Variants in FMNL3 observed in about 807,000 individuals in gnomAD.
The protein encoded by FMNL3 is formin like 3.
Under a neutral mutation model 119.6 loss-of-function variants are expected in FMNL3, and 57 were observed. That is an observed-to-expected ratio of 0.48 (90% CI 0.39 to 0.59). The LOEUF (loss-of-function observed/expected upper bound fraction) is 0.59. Ranked by LOEUF, FMNL3 falls within the 20% of genes least tolerant of loss-of-function variation. FMNL3 has a pLI of 0.00. For synonymous variants in FMNL3, 491 were observed against 507.3 expected (o/e 0.97, Z 0.43); for missense variants, 1,053 against 1,323.5 (o/e 0.80, Z 3.17).
intron 1 of FMNL3, among the ~76,000 whole-genome samples, chr12:49,681,039 C>G (rs1351238851): frequency 3.3e-5 from 5 of 152,244 alleles, no homozygotes; most frequent in African/African-American, 4.8e-5. Context: ...CTTCCCTATT[C>G]TGCACAACTG....
At chr12:49,695,343 A>T (rs1440769593) in intron 1 of FMNL3, among the ~76,000 whole-genome samples, 6 of 152,148 alleles carry the variant, frequency 3.9e-5, no homozygotes, top group Non-Finnish European at 7.3e-5. Flanking sequence ...TATATAAAAA[A>T]TAAAAGATTA....
At chr12:49,704,710 CAAAAAAAA>C (rs59799899) in intron 1 of FMNL3, among the ~76,000 whole-genome samples, 11 of 37,850 alleles carry the variant, frequency 2.9e-4, no homozygotes, top group Admixed American at 1.5e-3. Context: ...AACTCCATCT[CAAAAAAAA>C]AAAAAAAAAA....
chr12:49,652,748 TG>T (rs1316982448), intron 13 of FMNL3, among the ~76,000 whole-genome samples: 1 of 152,114 alleles, frequency 6.6e-6, no homozygotes, highest in African/African-American at 2.4e-5. Flanking sequence ...GAAAGTAGGA[TG>T]GGGGCATGAC....
intron 1 of FMNL3, among the ~76,000 whole-genome samples, chr12:49,675,875 T>A (rs1262448385): frequency 2.0e-5 from 3 of 152,142 alleles, no homozygotes; most frequent in Non-Finnish European, 4.4e-5. Flanking sequence ...GAGGTAAGAT[T>A]CTCTCCAGGC....
At chr12:49,650,313 C>G (rs1943356168) in intron 17 of FMNL3, among the ~76,000 whole-genome samples, 1 of 152,172 alleles carries the variant, frequency 6.6e-6, no homozygotes, top group African/African-American at 2.4e-5. Flanking sequence ...TGGACTAACT[C>G]ATATCTTTTC....
Position 49,644,251 on chromosome 12 carries a change from C to G in FMNL3, c.*1564G>C. 1 of 1,577,766 alleles carries G rather than the reference C, an allele frequency of 6.3e-7. No individual in the cohort carries two copies. The highest frequency in any genetic ancestry group is 2.2e-5 in the East Asian group (1 of 44,544). On this transcript the variant is annotated 3_prime_UTR_variant, in exon 26 of 26. Coordinates refer to ENST00000335154, the MANE Select transcript of FMNL3 (RefSeq NM_175736.5). ...GAGGCCATGGCTCCTGGGCCACCCT[C>G]ACCGTCTGCCTCAGACTTCTTCCTT... is the stretch of plus-strand genomic sequence containing the variant.
At chr12:49,684,121 G>A (rs534273964) in intron 1 of FMNL3, among the ~76,000 whole-genome samples, 2 of 152,260 alleles carry the variant, frequency 1.3e-5, no homozygotes, top group African/African-American at 2.4e-5. Context: ...AACTCCTGGG[G>A]GCAGGATGAC....
chr12:49,680,906 C>A lies in FMNL3; in HGVS notation c.127-12352G>T, dbSNP rs188240628. Among the ~76,000 whole-genome samples the A allele has an allele frequency of 1.7e-3, 261 of 152,352 alleles. 2 individuals are homozygous for A. The highest frequency in any genetic ancestry group is 4.0e-3 in the Admixed American group (61 of 15,300). On this transcript the variant is annotated intron_variant, in intron 1 of 25. Coordinates refer to ENST00000335154, the MANE Select transcript of FMNL3 (RefSeq NM_175736.5). ...AAATTCAAACCCAGACGTGTGGCCTCCAACATACAAGGTTTTCTACCATGT... is the reference window on the plus strand; with the variant it reads ...AAATTCAAACCCAGACGTGTGGCCTACAACATACAAGGTTTTCTACCATGT...
Position 49,653,812 on chromosome 12 carries a change from C to T in FMNL3, c.1134G>A (p.Val378=). The T allele has an allele frequency of 1.2e-6, 2 of 1,614,242 alleles. No homozygotes were observed. Among genetic ancestry groups the T allele is most frequent in the Non-Finnish European group, 1.7e-6 (2 of 1,180,046 alleles). ...QVQIQAYLDN[V]FDVGGLLEDA... ...CCTCCAACAAACCCCCGACATCAAA[C>T]ACGTTGTCCAGATATGCCTGAATCT... Residue 378 remains valine, a synonymous_variant, in exon 12 of 26, where the codon GTG becomes GTA. Coordinates refer to ENST00000335154, the MANE Select transcript of FMNL3 (RefSeq NM_175736.5).
rs752848335 is a variant in FMNL3 at position 49,654,965 on chromosome 12, C to T, written c.905G>A (p.Arg302His). ...GAAATACTCCATCAGCTTCTCAAAGCGGTGCAGCTCCTTGCATACCTGAAT... is the reference window on the plus strand; with the variant it reads ...GAAATACTCCATCAGCTTCTCAAAGTGGTGCAGCTCCTTGCATACCTGAAT... ...NFKEVCKELH[R>H]FEKLMEYFRN... The change falls in exon 10 of 26, where the codon CGC becomes CAC. Residue 302 changes from arginine to histidine, a missense_variant. By Grantham distance (29) the Arg-to-His change is conservative (BLOSUM62 0). Coordinates refer to ENST00000335154, the MANE Select transcript of FMNL3 (RefSeq NM_175736.5). 2.5e-5 allele frequency: 40 copies of T among 1,613,902 alleles called. No homozygotes were observed. The highest frequency in any genetic ancestry group is 3.2e-5 in the Non-Finnish European group (38 of 1,179,984).
Position 49,643,188 on chromosome 12 carries a change from C to A in FMNL3, c.*2627G>T, listed in dbSNP as rs192891339. On this transcript the variant is annotated 3_prime_UTR_variant, in exon 26 of 26. Transcript: ENST00000335154. ...ACGAGGGCTTCTGGAGGGCAGAGAA[C>A]CTCTGCACTGACATGTATCTGCTGA... 8.7e-4 allele frequency: 1,408 copies of A among 1,610,818 alleles called. 5 individuals carry two copies. Among genetic ancestry groups the A allele is most frequent in the Middle Eastern group, 8.4e-4 (5 of 5,926 alleles).
At chr12:49,702,571 G>A (rs1245660835) in intron 1 of FMNL3, among the ~76,000 whole-genome samples, 1 of 151,928 alleles carries the variant, frequency 6.6e-6, no homozygotes, top group Non-Finnish European at 1.5e-5. Flanking sequence ...ACAAAAAAAC[G>A]CTGAATCTCC....
intron 1 of FMNL3, among the ~76,000 whole-genome samples, chr12:49,679,693 A>G (rs1300335245): frequency 2.0e-5 from 3 of 151,694 alleles, no homozygotes; most frequent in Admixed American, 2.0e-4. Context: ...TGCCTGGGTA[A>G]ATTTTTTTGG....
Position 49,647,501 on chromosome 12 carries a change from C to T in FMNL3, c.2779-133G>A, listed in dbSNP as rs1177748354. 16 of 1,057,402 alleles carry T rather than the reference C, an allele frequency of 1.5e-5. No homozygotes were observed. Among genetic ancestry groups the T allele is most frequent in the African/African-American group, 4.7e-5 (3 of 64,248 alleles). The allele number at this position is 1,057,402 out of a possible 1,614,324, so 65.5% of individuals were successfully genotyped here. On this transcript the variant is annotated intron_variant, in intron 23 of 25. Transcript: ENST00000335154. The surrounding 1 kb of genome is among the most constrained non-coding windows in gnomAD (Gnocchi z 4.9). ...GTGGCCACCCTCTGGAGGGGCACTT[C>T]CTGCCCCAAACAATGACAGGAAGGT...
chr12:49,649,422 C>T lies in FMNL3; in HGVS notation c.2304+48G>A, dbSNP rs762491252. On this transcript the variant is annotated intron_variant, in intron 19 of 25. Transcript: ENST00000335154. The surrounding 1 kb of genome is among the most constrained non-coding windows in gnomAD (Gnocchi z 5.6). ...CTCTCTGTATAGCCCCAGGCCCCCA[C>T]CTAGGACCTGAAAACCCCCAGCACC... 9.3e-6 allele frequency: 15 copies of T among 1,612,850 alleles called. No individual in the cohort carries two copies. The Admixed American group carries it at 2.3e-4, about 25-fold the overall frequency.
chr12:49,707,036 G>A lies in FMNL3; in HGVS notation c.126+19C>T. 1.9e-6 allele frequency: 3 copies of A among 1,565,996 alleles called. No individual in the cohort carries two copies. Among genetic ancestry groups the A allele is most frequent in the Non-Finnish European group, 2.6e-6 (3 of 1,155,654 alleles). ...CTGAGGGGCGGTACGCGGGGGAAGG[G>A]GCTGGGCTCAGCTCTCACCAGCACC... On this transcript the variant is annotated intron_variant, in intron 1 of 25. Transcript: ENST00000335154.
Position 49,640,474 on chromosome 12 carries a change from C to T in FMNL3, c.*5341G>A, listed in dbSNP as rs1193391201. On this transcript the variant is annotated 3_prime_UTR_variant, in exon 26 of 26. Coordinates refer to ENST00000335154, the MANE Select transcript of FMNL3 (RefSeq NM_175736.5). ...AAGTAAGTGGTAGAGGCACTGAGGA[C>T]CAGATGAGTGAGGACAAAGAAGGCG... 6.6e-6 allele frequency: 1 copy of T among 152,174 alleles called. No homozygotes were observed. Among genetic ancestry groups the T allele is most frequent in the Non-Finnish European group, 1.5e-5 (1 of 68,086 alleles). 9.4% of individuals were successfully genotyped at this position (152,174 alleles called of 1,614,324 possible).
intron 4 of FMNL3, among the ~76,000 whole-genome samples, chr12:49,663,733 G>A (rs1022183559): frequency 6.6e-6 from 1 of 152,246 alleles, no homozygotes; most frequent in African/African-American, 2.4e-5. Context: ...AGAGGGGCAG[G>A]CACCAGGTAG....
At chr12:49,690,862 T>TG (rs1944582850) in intron 1 of FMNL3, among the ~76,000 whole-genome samples, 1 of 152,334 alleles carries the variant, frequency 6.6e-6, no homozygotes, top group South Asian at 2.1e-4. Context: ...CTGGGTAACA[T>TG]GGTGAAACCT....
Sources: allele counts gnomAD v4.1 joint callset (sites outside exome capture counted in the v4.1 genomes callset), GRCh38; gene constraint gnomAD v4.1.1; non-coding constraint Gnocchi (gnomAD v3.1); transcripts MANE v1.5; gene names NCBI Gene and HGNC (gene_info 2026-07-23, HGNC 2026-07-21).